PSME3IP1: variants seen among roughly 807,000 people sequenced by gnomAD.
PSME3IP1 encodes PSME3-interacting protein.
A neutral mutation model predicts 34.1 loss-of-function variants in PSME3IP1; 13 were observed. That is an observed-to-expected ratio of 0.38 (90% CI 0.25 to 0.61). The LOEUF is 0.61. PSME3IP1 is among the 20% of genes least tolerant of loss of function. The pLI is 0.60. For missense variants in PSME3IP1, 237 were observed against 301.4 expected, an observed-to-expected ratio of 0.79 and a Z score of 1.58; for synonymous variants, 93 against 114.3, an observed-to-expected ratio of 0.81 and a Z score of 1.19.
At chr16:57,164,178 G>A (rs2071587848) in intron 5 of PSME3IP1, 113 bp from the exon 6 acceptor site, 2 of 816,546 alleles carry the variant, frequency 2.4e-6, no homozygotes, top group Non-Finnish European at 2.0e-6. Flanking sequence ...TCAAGAGGCT[G>A]GGATGATAAA....
chr16:57,170,876 C>T (rs1219669267), intron 4 of PSME3IP1, among the ~76,000 whole-genome samples: 1 of 152,144 alleles, frequency 6.6e-6, no homozygotes, highest in Non-Finnish European at 1.5e-5. Flanking sequence ...AGTTCGAGAC[C>T]AGCCTGACCA....
At chr16:57,177,598 G>A (rs1003550599) in intron 1 of PSME3IP1, among the ~76,000 whole-genome samples, 2 of 152,100 alleles carry the variant, frequency 1.3e-5, no homozygotes, top group Admixed American at 6.5e-5. Context: ...AAGCGTTGCA[G>A]GGGAAAGAAA....
At chr16:57,165,201 G>A (rs142604924) in intron 5 of PSME3IP1, among the ~76,000 whole-genome samples, 59 of 151,882 alleles carry the variant, frequency 3.9e-4, no homozygotes, top group African/African-American at 1.3e-3. Flanking sequence ...CGTGTGTGGC[G>A]AGGGGGAAGG....
At chr16:57,177,918 G>A (rs929509203) in intron 1 of PSME3IP1, among the ~76,000 whole-genome samples, 4 of 152,178 alleles carry the variant, frequency 2.6e-5, no homozygotes, top group Non-Finnish European at 4.4e-5. Flanking sequence ...TACTCCAGGA[G>A]GCTAAGGCTG....
At position 57,157,621 on chromosome 16, in the gene PSME3IP1, C is replaced by CT. The variant is rs113281367; in HGVS notation, c.548-3115dup. Among the ~76,000 whole-genome samples, 474 of 143,452 alleles carry CT rather than the reference C, an allele frequency of 3.3e-3. 3 individuals are homozygous for CT. The highest frequency in any genetic ancestry group is 0.011 in the Middle Eastern group (3 of 274). 94.1% of individuals were successfully genotyped at this position (143,452 alleles called of 152,430 possible). On this transcript the variant is annotated intron_variant, in intron 6 of 6. Coordinates refer to ENST00000309137, the MANE Select transcript of PSME3IP1 (RefSeq NM_024946.4). ...TTGAATTTTTCCTTTTCTTTTTTTT[C>CT]TTTTTTTTTTTTAAGAACATAAGGC...
chr16:57,166,555 A>G (rs2071895133), intron 5 of PSME3IP1, among the ~76,000 whole-genome samples: 1 of 152,052 alleles, frequency 6.6e-6, no homozygotes, highest in Admixed American at 6.6e-5. Flanking sequence ...GGTTTCCCCC[A>G]ACCTCCCCAA....
intron 6 of PSME3IP1, among the ~76,000 whole-genome samples, chr16:57,160,772 A>T (rs2071134188): frequency 6.6e-6 from 1 of 152,258 alleles, no homozygotes; most frequent in African/African-American, 2.4e-5. Context: ...TTAAGCAATG[A>T]ACAGAGTAGG....
chr16:57,174,684 C>T (rs2073008467), intron 1 of PSME3IP1: 2 of 985,402 alleles, frequency 2.0e-6, no homozygotes, highest in African/African-American at 1.7e-5. Context: ...GTGTTCAAGT[C>T]CAGTCTGTAT....
intron 6 of PSME3IP1, among the ~76,000 whole-genome samples, chr16:57,160,296 CA>C (rs202138648): frequency 0.064 from 5,030 of 79,026 alleles, 230 homozygotes; most frequent in East Asian, 0.31. Context: ...GACTCCGTCT[CA>C]AAAAAAAAAA....
At position 57,185,955 on chromosome 16, in the gene PSME3IP1, A is replaced by C. The variant is rs2074145077; in HGVS notation, c.-150T>G. ...AAAGAAACAGAGGAAGGAATGAATG[A>C]AAGAAAGAAAAAAAAAAAGAAAATA... On this transcript the variant is annotated 5_prime_UTR_variant, in exon 1 of 7. Transcript: ENST00000309137. 4 of 985,150 alleles carry C rather than the reference A, an allele frequency of 4.1e-6. No homozygotes were observed. The highest frequency in any genetic ancestry group is 4.8e-6 in the Non-Finnish European group (4 of 829,812). The allele number at this position is 985,150 out of a possible 1,614,324, so 61.0% of individuals were successfully genotyped here.
intron 1 of PSME3IP1, among the ~76,000 whole-genome samples, chr16:57,175,302 C>T (rs1015124380): frequency 2.0e-5 from 3 of 152,100 alleles, no homozygotes; most frequent in Non-Finnish European, 4.4e-5. Context: ...GGTGAGCCAC[C>T]GCACCTGGCC....
chr16:57,159,979 CT>C (rs1362383050), intron 6 of PSME3IP1, among the ~76,000 whole-genome samples: 53 of 152,060 alleles, frequency 3.5e-4, no homozygotes, highest in African/African-American at 1.2e-3. Flanking sequence ...AGTCACTGCA[CT>C]ACAGCCTAAG....
rs111407378 is a variant in PSME3IP1 at position 57,174,674 on chromosome 16, G to C, written c.-15-805C>G. 18 of 985,436 alleles carry C rather than the reference G, an allele frequency of 1.8e-5. No homozygotes were observed. The African/African-American group carries it at 2.6e-4, about 14-fold the overall frequency. 61.0% of individuals were successfully genotyped at this position (985,436 alleles called of 1,614,324 possible). On this transcript the variant is annotated intron_variant, in intron 1 of 6. Coordinates refer to ENST00000309137, the MANE Select transcript of PSME3IP1 (RefSeq NM_024946.4). ...GAGAATCTCAGCTATTGAAGACTTA[G>C]TGTTCAAGTCCAGTCTGTATAGCAG...
At chr16:57,177,578 A>T (rs929372139) in intron 1 of PSME3IP1, among the ~76,000 whole-genome samples, 3 of 152,184 alleles carry the variant, frequency 2.0e-5, no homozygotes, top group Non-Finnish European at 2.9e-5. Context: ...TAAAAAAAAA[A>T]TTTAAAGGCA....
Position 57,186,016 on chromosome 16 carries a change from C to T in PSME3IP1, c.-211G>A. ...TTGTATTTCTTTTGACCCTTCAGGG[C>T]TTCCTGTTCCTCACCGCCACAATAG... is the stretch of plus-strand genomic sequence containing the variant. On this transcript the variant is annotated 5_prime_UTR_variant, in exon 1 of 7. Coordinates refer to ENST00000309137, the MANE Select transcript of PSME3IP1 (RefSeq NM_024946.4). 1.0e-6 allele frequency: 1 copy of T among 985,452 alleles called. No homozygotes were observed. Among genetic ancestry groups the T allele is most frequent in the Non-Finnish European group, 1.2e-6 (1 of 829,942 alleles). 61.0% of individuals were successfully genotyped at this position (985,452 alleles called of 1,614,324 possible).
At chr16:57,162,204 T>C (rs1402639464) in intron 6 of PSME3IP1, among the ~76,000 whole-genome samples, 2 of 152,260 alleles carry the variant, frequency 1.3e-5, no homozygotes, top group East Asian at 3.9e-4. Context: ...GCCTGGCCTG[T>C]GATTATTAAT....
In PSME3IP1 at chr16:57,167,049, T is replaced by C. The variant is rs60095128; in HGVS notation, c.482+44A>G. 3.6e-3 allele frequency: 5,851 copies of C among 1,609,240 alleles called. 198 individuals are homozygous for C. In the African/African-American group the frequency reaches 0.071, roughly 19 times the overall value. On this transcript the variant is annotated intron_variant, in intron 5 of 6. Transcript: ENST00000309137. The stretch of plus-strand genomic sequence containing the variant: ...TTCCATTACAAGTGGTGTTTCAGAG[T>C]ACACGGTCAGAGAGAAATCTGAGTT...
intron 4 of PSME3IP1, among the ~76,000 whole-genome samples, chr16:57,171,398 T>C (rs753065409): frequency 7.2e-5 from 11 of 152,200 alleles, no homozygotes; most frequent in Non-Finnish European, 1.3e-4. Context: ...TTAGTCTAAA[T>C]GTAAGGGGAA....
rs1438230732 is a variant in PSME3IP1, at chr16:57,173,824, T to C, written c.31A>G (p.Ile11Val). ...GCCTCAGACACAAACCTCTTTTTGA[T>C]AATAAGGTTACCATCATCCCCTCCA... MDGGDDGNLI[I>V]KKRFVSEAEL... Residue 11 changes from isoleucine to valine, a missense_variant, in exon 2 of 7, where the codon ATC (isoleucine) becomes GTC (valine). Ile to Val is a conservative substitution (Grantham distance 29, BLOSUM62 3). Transcript: ENST00000309137. The C allele has an allele frequency of 5.6e-6, 9 of 1,613,976 alleles. No homozygotes were observed. The South Asian group carries it at 9.9e-5, about 18-fold the overall frequency.
Sources: allele counts gnomAD v4.1 joint callset (sites outside exome capture counted in the v4.1 genomes callset), GRCh38; gene constraint gnomAD v4.1.1; transcripts MANE v1.5; gene names NCBI Gene and HGNC (gene_info 2026-07-23, HGNC 2026-07-21).